Variants in NRDE2 observed in about 807,000 individuals in gnomAD.
The protein encoded by NRDE2 is nuclear exosome regulator NRDE2.
A neutral mutation model predicts 124.2 loss-of-function variants in NRDE2; 76 were observed. The observed-to-expected ratio is 0.61, with a 90% CI of 0.51 to 0.74. The LOEUF (loss-of-function observed/expected upper bound fraction) is 0.74, where lower values mean the gene tolerates loss of function less well. Ranked by LOEUF, NRDE2 falls within the 30% of genes least tolerant of loss-of-function variation. NRDE2 has a pLI of 0.00. For missense variants in NRDE2, 1,314 were observed against 1,417.3 expected, an observed-to-expected ratio of 0.93 and a Z score of 1.17; for synonymous variants, 489 against 528.1, an observed-to-expected ratio of 0.93 and a Z score of 1.01.
At chr14:90,306,601 G>C (rs1442759904) in intron 4 of NRDE2, among the ~76,000 whole-genome samples, 2 of 151,930 alleles carry the variant, frequency 1.3e-5, no homozygotes, top group Admixed American at 6.6e-5. Context: ...ACCAGAGGTC[G>C]GGAGTTTGAG....
At chr14:90,295,387 AC>A (rs1884108059) in intron 8 of NRDE2, among the ~76,000 whole-genome samples, 2 of 152,158 alleles carry the variant, frequency 1.3e-5, no homozygotes, top group African/African-American at 4.8e-5. Context: ...CTATTATTCC[AC>A]CAATATTCTG....
In NRDE2 at chr14:90,288,882, C is replaced by T. The variant is rs1378303280; in HGVS notation, c.2493G>A (p.Glu831=). Residue 831 remains glutamate, a synonymous_variant, in exon 11 of 14, where the codon GAG becomes GAA. Coordinates refer to ENST00000354366, the MANE Select transcript of NRDE2 (RefSeq NM_017970.4). ...CELSLLYAEL[E]VELSPEVRRA... Reference sequence around the variant, plus strand: ...TTCTCACTTCTGGCGACAGCTCCACCTCCAGCTCAGCATAGAGCAGACTGA... The same window carrying T: ...TTCTCACTTCTGGCGACAGCTCCACTTCCAGCTCAGCATAGAGCAGACTGA... 6.2e-7 allele frequency: 1 copy of T among 1,614,204 alleles called. No individual in the cohort carries two copies. Among genetic ancestry groups the T allele is most frequent in the Admixed American group, 1.7e-5 (1 of 60,024 alleles).
At chr14:90,283,526 T>C (rs1211304908) in intron 12 of NRDE2, among the ~76,000 whole-genome samples, 2 of 152,130 alleles carry the variant, frequency 1.3e-5, no homozygotes, top group Non-Finnish European at 2.9e-5. Flanking sequence ...AGCAGCCTGA[T>C]GACAGGAGTG....
Position 90,277,800 on chromosome 14 carries a change from G to T in NRDE2, c.*536C>A, listed in dbSNP as rs966648406. Reference sequence around the variant, plus strand: ...CCCTCCAGCTCCAGGCGGAGGCATCGCCGCCGAGGTAAACTCAGGGAACTT... The same window carrying T: ...CCCTCCAGCTCCAGGCGGAGGCATCTCCGCCGAGGTAAACTCAGGGAACTT... On this transcript the variant is annotated 3_prime_UTR_variant, in exon 14 of 14. Coordinates refer to ENST00000354366, the MANE Select transcript of NRDE2 (RefSeq NM_017970.4). The T allele has an allele frequency of 6.6e-6, 1 of 152,456 alleles. No individual in the cohort carries two copies. The highest frequency in any genetic ancestry group is 2.4e-5 in the African/African-American group (1 of 41,458). The allele number at this position is 152,456 out of a possible 1,614,324, so 9.4% of individuals were successfully genotyped here.
At chr14:90,284,532 AT>A (rs200540976) in intron 12 of NRDE2, among the ~76,000 whole-genome samples, 3,871 of 151,440 alleles carry the variant, frequency 0.026, 71 homozygotes, top group Non-Finnish European at 0.041. Context: ...CATCCAGCTA[AT>A]TTTTTTTGTA....
chr14:90,307,730 G>A (rs1190595858), intron 4 of NRDE2, among the ~76,000 whole-genome samples: 1 of 152,152 alleles, frequency 6.6e-6, no homozygotes, highest in Admixed American at 6.5e-5. Context: ...AGGGATTACA[G>A]GTGTGAGCCA....
rs1891762926 is a variant in NRDE2 at position 90,274,819 on chromosome 14, CACACACACACACACACA to C, written c.*3500_*3516del. Reference sequence around the variant, plus strand: ...ACACACACACACACACACACACACACACACACACACACACACACACCCCAATACATATGAATTGATCT... The same window carrying C: ...ACACACACACACACACACACACACACCACCCCAATACATATGAATTGATCT... On this transcript the variant is annotated 3_prime_UTR_variant, in exon 14 of 14. Coordinates refer to ENST00000354366, the MANE Select transcript of NRDE2 (RefSeq NM_017970.4). 14 of 111,156 alleles carry C rather than the reference CACACACACACACACACA, an allele frequency of 1.3e-4. 1 individual carries two copies. The South Asian group carries it at 3.7e-3, about 29-fold the overall frequency. 6.9% of individuals were successfully genotyped at this position (111,156 alleles called of 1,614,324 possible).
chr14:90,281,849 C>T (rs918814257), intron 12 of NRDE2, among the ~76,000 whole-genome samples: 1 of 152,232 alleles, frequency 6.6e-6, no homozygotes, highest in African/African-American at 2.4e-5. Flanking sequence ...AGAAGACTGA[C>T]ACTCTGCTGA....
At position 90,279,047 on chromosome 14, in the gene NRDE2, G is replaced by C; in HGVS notation, c.3369+15C>G. 6.3e-7 allele frequency: 1 copy of C among 1,585,266 alleles called. No homozygotes were observed. The highest frequency in any genetic ancestry group is 1.1e-5 in the South Asian group (1 of 90,460). On this transcript the variant is annotated intron_variant, in intron 13 of 13. Coordinates refer to ENST00000354366, the MANE Select transcript of NRDE2 (RefSeq NM_017970.4). ...TTTTCGGGAAGCTGAAGACACCATG[G>C]CCTTTAACACTTACCTTTGCCCAAG...
At chr14:90,325,435 C>T (rs541285232) in intron 1 of NRDE2, among the ~76,000 whole-genome samples, 21 of 152,276 alleles carry the variant, frequency 1.4e-4, no homozygotes, top group Non-Finnish European at 2.8e-4. Context: ...AATGGCTGCT[C>T]CTATTCTTGT....
intron 4 of NRDE2, among the ~76,000 whole-genome samples, chr14:90,307,480 C>T (rs1336944560): frequency 6.6e-6 from 1 of 152,190 alleles, no homozygotes; most frequent in Non-Finnish European, 1.5e-5. Context: ...AATCCCAGCA[C>T]TTTGAGAGGC....
chr14:90,321,253 G>A (rs1165503190), intron 1 of NRDE2, among the ~76,000 whole-genome samples: 1 of 152,046 alleles, frequency 6.6e-6, no homozygotes, highest in Admixed American at 6.6e-5. Flanking sequence ...AAATTTGAGA[G>A]ATGGGGTCTT....
At chr14:90,298,728 G>A (rs1185465788) in intron 7 of NRDE2, among the ~76,000 whole-genome samples, 3 of 152,134 alleles carry the variant, frequency 2.0e-5, no homozygotes, top group Admixed American at 6.5e-5. Context: ...CAGCAAGAAG[G>A]GTCTCCAGAT....
At chr14:90,306,147 T>C (rs1884592335) in intron 4 of NRDE2, among the ~76,000 whole-genome samples, 1 of 152,218 alleles carries the variant, frequency 6.6e-6, no homozygotes, top group Admixed American at 6.5e-5. Context: ...TGCTGTATAT[T>C]AAAATTTTTT....
rs201482977 is a variant in NRDE2, at chr14:90,319,116, C to CT, written c.65-1004dup. Among the ~76,000 whole-genome samples, 733 of 152,218 alleles carry CT rather than the reference C, an allele frequency of 4.8e-3. 4 individuals are homozygous for CT. Among genetic ancestry groups the CT allele is most frequent in the African/African-American group, 0.014 (587 of 41,546 alleles). On this transcript the variant is annotated intron_variant, in intron 1 of 13. Coordinates refer to ENST00000354366, the MANE Select transcript of NRDE2 (RefSeq NM_017970.4). ...TCTACAGTGAACGATTTCTAAATTACTTATTTTCTAACTTTTAGGAGTCTT... is the reference window on the plus strand; with the variant it reads ...TCTACAGTGAACGATTTCTAAATTACTTTATTTTCTAACTTTTAGGAGTCTT...
chr14:90,281,666 G>A (rs535747682), intron 12 of NRDE2: 18 of 152,330 alleles, frequency 1.2e-4, no homozygotes, highest in African/African-American at 4.3e-4. Flanking sequence ...TAAAAAACGA[G>A]GAAGCTGAAG....
intron 6 of NRDE2, chr14:90,301,927 T>G (rs140705077): frequency 7.5e-4 from 299 of 400,512 alleles, no homozygotes; most frequent in African/African-American, 6.5e-3. Context: ...TTCAAGACTC[T>G]GTGTCAGTGT....
chr14:90,274,815 CACACACACACACACACACACA>C lies in NRDE2; in HGVS notation c.*3500_*3520del, dbSNP rs1891762295. 3 of 90,888 alleles carry C rather than the reference CACACACACACACACACACACA, an allele frequency of 3.3e-5. No homozygotes were observed. Among genetic ancestry groups the C allele is most frequent in the African/African-American group, 4.7e-5 (1 of 21,126 alleles). The allele number at this position is 90,888 out of a possible 1,614,324, so 5.6% of individuals were successfully genotyped here. A position where few individuals can be genotyped will look rare whatever the true frequency, so the allele number is the denominator to read the frequency against. On this transcript the variant is annotated 3_prime_UTR_variant, in exon 14 of 14. Coordinates refer to ENST00000354366, the MANE Select transcript of NRDE2 (RefSeq NM_017970.4). Reference sequence around the variant, plus strand: ...ACACACACACACACACACACACACACACACACACACACACACACACACACCCCAATACATATGAATTGATCT... The same window carrying C: ...ACACACACACACACACACACACACACCACCCCAATACATATGAATTGATCT...
At position 90,269,379 on chromosome 14, in the gene NRDE2, CTT is replaced by C. The variant is rs71117332; in HGVS notation, c.*8955_*8956del. 1.1e-5 allele frequency: 15 copies of C among 1,404,526 alleles called. No individual in the cohort carries two copies. The highest frequency in any genetic ancestry group is 4.4e-5 in the African/African-American group (3 of 68,336). The allele number at this position is 1,404,526 out of a possible 1,614,324, so 87.0% of individuals were successfully genotyped here. A position where few individuals can be genotyped will look rare whatever the true frequency, so the allele number is the denominator to read the frequency against. Reference sequence around the variant, plus strand: ...GATCAGTTGAGTCTTCATTCCTTCCCTTTTTTTTTTTCCAAAGATATGACTCC... The same window carrying C: ...GATCAGTTGAGTCTTCATTCCTTCCCTTTTTTTTTCCAAAGATATGACTCC... On this transcript the variant is annotated 3_prime_UTR_variant, in exon 14 of 14. Transcript: ENST00000354366.
Sources: gnomAD v4.1 joint callset for allele counts (sites outside exome capture counted in the v4.1 genomes callset) on GRCh38, gnomAD v4.1.1 for gene constraint, MANE v1.5 for transcripts, NCBI Gene and HGNC (gene_info 2026-07-23, HGNC 2026-07-21) for gene names.